Variants in TPRG1 observed in about 807,000 individuals in gnomAD.
TPRG1 encodes tumor protein p63 regulated 1, also known as tumor protein p63-regulated gene 1 protein.
In TPRG1, 29 loss-of-function variants were observed where a neutral mutation model predicts 29.3. The observed-to-expected ratio is 0.99, with a 90% CI of 0.74 to 1.35. TPRG1 has a LOEUF of 1.35. TPRG1 is among the 40% of genes most tolerant of loss of function. The pLI is 0.00. For missense variants in TPRG1, 327 were observed against 335.0 expected (o/e 0.98, Z 0.19); for synonymous variants, 130 against 116.8 (o/e 1.11, Z -0.73).
At chr3:189,105,471 C>G (rs543018161) in intron 1 of TPRG1, among the ~76,000 whole-genome samples, 2 of 152,222 alleles carry the variant, frequency 1.3e-5, no homozygotes, top group South Asian at 2.1e-4. Flanking sequence ...ACTTTGCCCC[C>G]CTGCTAACTT....
At chr3:189,165,181 G>C (rs1727996648) in intron 5 of TPRG1, among the ~76,000 whole-genome samples, 1 of 152,046 alleles carries the variant, frequency 6.6e-6, no homozygotes, top group African/African-American at 2.4e-5. Flanking sequence ...CATACAGTGA[G>C]GAGCAATGTA....
chr3:189,253,206 C>A (rs188084763), intron 4 of TPRG1, among the ~76,000 whole-genome samples: 45 of 152,242 alleles, frequency 3.0e-4, no homozygotes, highest in African/African-American at 9.9e-4. Flanking sequence ...GCCCCTCACC[C>A]CCCAACTGGC....
At chr3:189,048,396 T>G (rs1404979039) in intron 4 of TPRG1, among the ~76,000 whole-genome samples, 1 of 152,190 alleles carries the variant, frequency 6.6e-6, no homozygotes, top group Non-Finnish European at 1.5e-5. Flanking sequence ...AAGAGCACAG[T>G]CTGAGTAGAT....
chr3:189,115,929 A>G (rs1721110990), intron 1 of TPRG1, among the ~76,000 whole-genome samples: 2 of 152,170 alleles, frequency 1.3e-5, no homozygotes, highest in South Asian at 4.1e-4. Context: ...TCGAAAACAC[A>G]ATGAGATACC....
intron 3 of TPRG1, among the ~76,000 whole-genome samples, chr3:189,014,602 G>C (rs957582683): frequency 6.6e-6 from 1 of 152,168 alleles, no homozygotes; most frequent in Non-Finnish European, 1.5e-5. Context: ...CTGGTGCAAG[G>C]TGACTGAATC....
chr3:189,299,567 C>A (rs1720506596), intron 4 of TPRG1, among the ~76,000 whole-genome samples: 1 of 151,374 alleles, frequency 6.6e-6, no homozygotes, highest in Non-Finnish European at 1.5e-5. Flanking sequence ...ATAAAAACAG[C>A]TGGAGTCAGA....
upstream of TPRG1, among the ~76,000 whole-genome samples, chr3:189,170,722 A>G (rs1728721765): frequency 6.6e-6 from 1 of 152,174 alleles, no homozygotes; most frequent in Admixed American, 6.5e-5. Flanking sequence ...GGAAGCAGGT[A>G]AAAGGACTGT....
intron 4 of TPRG1, among the ~76,000 whole-genome samples, chr3:189,252,931 G>T (rs1472373774): frequency 6.6e-6 from 1 of 152,024 alleles, no homozygotes; most frequent in Non-Finnish European, 1.5e-5. Flanking sequence ...TTAAAAACCG[G>T]AGACTATTTT....
At chr3:189,154,576 G>A (rs1726405012) in intron 5 of TPRG1, among the ~76,000 whole-genome samples, 2 of 151,976 alleles carry the variant, frequency 1.3e-5, no homozygotes, top group Admixed American at 6.6e-5. Context: ...CAAGCAGCTG[G>A]GATTACAGGC....
intron 4 of TPRG1, 74 bp downstream of exon 4, chr3:189,238,983 A>G: frequency 7.1e-7 from 1 of 1,407,590 alleles, no homozygotes; most frequent in Non-Finnish European, 9.6e-7. Flanking sequence ...CCGAAAATTC[A>G]GTTTGGCCCT....
intron 4 of TPRG1, among the ~76,000 whole-genome samples, chr3:189,026,467 G>T (rs1713668824): frequency 6.6e-6 from 1 of 152,152 alleles, no homozygotes; most frequent in African/African-American, 2.4e-5. Flanking sequence ...GTCTATAACA[G>T]GGAGCAAGTG....
chr3:189,210,639 G>C (rs1439314533), intron 2 of TPRG1, among the ~76,000 whole-genome samples: 5 of 152,134 alleles, frequency 3.3e-5, no homozygotes, highest in Non-Finnish European at 5.9e-5. Context: ...TGATACTGAT[G>C]CTCTCTGTCC....
At chr3:189,126,568 G>T (rs1051658394) in intron 1 of TPRG1, among the ~76,000 whole-genome samples, 1 of 152,134 alleles carries the variant, frequency 6.6e-6, no homozygotes, top group Non-Finnish European at 1.5e-5. Flanking sequence ...ATGGGAAATG[G>T]GTGCATGTGA....
intron 1 of TPRG1, among the ~76,000 whole-genome samples, chr3:189,203,563 G>C (rs761265637): frequency 2.6e-5 from 4 of 152,106 alleles, no homozygotes; most frequent in African/African-American, 9.7e-5. Context: ...CAATGTTTGC[G>C]TGTTATTTTG....
At chr3:189,187,944 G>T (rs942451480) in intron 1 of TPRG1, among the ~76,000 whole-genome samples, 1 of 152,156 alleles carries the variant, frequency 6.6e-6, no homozygotes, top group African/African-American at 2.4e-5. Flanking sequence ...CCACAATGTT[G>T]TATGTAAATC....
chr3:189,068,160 G>T (rs1423237890), intron 4 of TPRG1, among the ~76,000 whole-genome samples: 4 of 151,968 alleles, frequency 2.6e-5, no homozygotes, highest in Admixed American at 2.6e-4. Flanking sequence ...ATCCAAAAGA[G>T]GCAATTGCTG....
intron 4 of TPRG1, among the ~76,000 whole-genome samples, chr3:189,059,775 A>T (rs1212547148): frequency 1.3e-5 from 2 of 152,222 alleles, no homozygotes; most frequent in Non-Finnish European, 2.9e-5. Flanking sequence ...ATAGTCTGGA[A>T]TGAAAGGTAA....
At chr3:189,204,474 G>A (rs1005530219) in intron 1 of TPRG1, among the ~76,000 whole-genome samples, 2 of 152,288 alleles carry the variant, frequency 1.3e-5, no homozygotes, top group African/African-American at 4.8e-5. Context: ...CTGGAACAGA[G>A]CTGGAATTAC....
intron 1 of TPRG1, among the ~76,000 whole-genome samples, chr3:189,195,362 C>T (rs1159443257): frequency 2.6e-5 from 4 of 152,116 alleles, no homozygotes; most frequent in Non-Finnish European, 4.4e-5. Context: ...GAAAAGGCAG[C>T]GGGAGTGGTA....
Sources: allele counts gnomAD v4.1 joint callset (sites outside exome capture counted in the v4.1 genomes callset), GRCh38; gene constraint gnomAD v4.1.1; transcripts MANE v1.5; gene names NCBI Gene and HGNC (gene_info 2026-07-23, HGNC 2026-07-21).